The following ZNF749 variants were observed in gnomAD, a reference collection of about 807,000 sequenced individuals.
ZNF749 encodes zinc finger protein 749.
In ZNF749, 8 loss-of-function variants were observed where a neutral mutation model predicts 7.3. The observed-to-expected ratio is 1.10, with a 90% CI of 0.64 to 1.98. The LOEUF (loss-of-function observed/expected upper bound fraction) is 1.98. Ranked by LOEUF, ZNF749 falls within the 30% of genes most tolerant of loss-of-function variation. The pLI, the probability that ZNF749 is intolerant of heterozygous loss-of-function variation, is 0.00. For missense variants in ZNF749, 898 were observed against 932.4 expected (o/e 0.96, Z 0.48); for synonymous variants, 310 against 322.4 (o/e 0.96, Z 0.41).
chr19:57,443,773 C>A lies in ZNF749; in HGVS notation c.625C>A (p.His209Asn). 6.2e-7 allele frequency: 1 copy of A among 1,614,204 alleles called. No individual in the cohort carries two copies. Among genetic ancestry groups the A allele is most frequent in the Non-Finnish European group, 8.5e-7 (1 of 1,180,040 alleles). ...SQGGKDFCHQ[H>N]GLFEHQKTHN... ...AGGTGGGAAAGACTTTTGCCACCAA[C>A]ATGGGCTGTTTGAGCACCAAAAAAC... is the stretch of plus-strand genomic sequence containing the variant. Residue 209 changes from histidine (H) to asparagine (N), a missense_variant, in exon 3 of 3, where the codon CAT (histidine) becomes AAT (asparagine). His to Asn is a moderately conservative substitution (Grantham distance 68). Coordinates refer to ENST00000334181, the MANE Select transcript of ZNF749 (RefSeq NM_001023561.4).
In ZNF749 at chr19:57,443,776, G is replaced by C. The variant is rs1016161348; in HGVS notation, c.628G>C (p.Gly210Arg). ...TGGGAAAGACTTTTGCCACCAACAT[G>C]GGCTGTTTGAGCACCAAAAAACCCA... The part of the protein sequence containing the change: ...QGGKDFCHQH[G>R]LFEHQKTHNG... Residue 210 changes from glycine to arginine, a missense_variant, in exon 3 of 3, where the codon GGG (glycine) becomes CGG (arginine). By Grantham distance (125) the Gly-to-Arg change is moderately radical (BLOSUM62 -2). Coordinates refer to ENST00000334181, the MANE Select transcript of ZNF749 (RefSeq NM_001023561.4). 1.2e-6 allele frequency: 2 copies of C among 1,614,176 alleles called. No homozygotes were observed. The highest frequency in any genetic ancestry group is 1.7e-5 in the Admixed American group (1 of 60,026).
upstream of ZNF749, among the ~76,000 whole-genome samples, chr19:57,432,047 G>A (rs2088901258): frequency 6.6e-6 from 1 of 151,930 alleles, no homozygotes; most frequent in South Asian, 2.1e-4. Flanking sequence ...TGGTCAGGCT[G>A]ATCTCGAACT....
chr19:57,444,818 T>C lies in ZNF749; in HGVS notation c.1670T>C (p.Val557Ala), dbSNP rs2240040. The C allele has an allele frequency of 0.023, 37,820 of 1,613,178 alleles. 594 individuals carry two copies. Among genetic ancestry groups the C allele is most frequent in the South Asian group, 0.052 (4,705 of 91,012 alleles). ...KRIDLRPRPY[V>A]CSECGKAFLT... ...ATTGACCTCAGGCCAAGGCCTTATG[T>C]GTGTAGTGAATGTGGGAAGGCCTTC... Residue 557 changes from valine (V) to alanine (A), a missense_variant, in exon 3 of 3, where the codon GTG becomes GCG. Val to Ala is a moderately conservative substitution (Grantham distance 64). Transcript: ENST00000334181.
At chr19:57,434,188 C>T (rs2088913963), upstream of ZNF749, among the ~76,000 whole-genome samples, 2 of 152,178 alleles carry the variant, frequency 1.3e-5, no homozygotes, top group African/African-American at 4.8e-5. Context: ...ACCTCCGCCT[C>T]CCGGGTTCAA....
chr19:57,431,364 G>A (rs1174132243), upstream of ZNF749, among the ~76,000 whole-genome samples: 1 of 152,084 alleles, frequency 6.6e-6, no homozygotes, highest in East Asian at 1.9e-4. Flanking sequence ...GCCACTGAAG[G>A]CAAAAATTAT....
chr19:57,439,124 C>T lies in ZNF749; in HGVS notation c.16-2761C>T, dbSNP rs2088963501. Among the ~76,000 whole-genome samples, 1 of 152,120 alleles carries T rather than the reference C, an allele frequency of 6.6e-6. No homozygotes were observed. Among genetic ancestry groups the T allele is most frequent in the South Asian group, 2.1e-4 (1 of 4,830 alleles). On this transcript the variant is annotated intron_variant, in intron 1 of 2. Transcript: ENST00000334181. The surrounding 1 kb of genome is among the most constrained non-coding windows in gnomAD (Gnocchi z 4.3). ...CTGACCCAGGTTTTAGTGGCTCCCT[C>T]TGCCTGCAGAATGGAAGACCACGTG... is the stretch of plus-strand genomic sequence containing the variant.
chr19:57,445,406 G>A lies in ZNF749; in HGVS notation c.2258G>A (p.Cys753Tyr), dbSNP rs755742405. The change falls in exon 3 of 3, where the codon TGT (cysteine) becomes TAT (tyrosine). Residue 753 changes from cysteine (C) to tyrosine (Y), a missense_variant. Cys to Tyr is a radical substitution (Grantham distance 194). Coordinates refer to ENST00000334181, the MANE Select transcript of ZNF749 (RefSeq NM_001023561.4). Reference protein sequence around the residue: ...KTHTGERSYECGESSKVFKYN... With the variant: ...KTHTGERSYEYGESSKVFKYN... ...CACACTGGAGAAAGGTCTTATGAGT[G>A]TGGTGAATCCAGCAAAGTGTTTAAA... 6.2e-7 allele frequency: 1 copy of A among 1,613,868 alleles called. No homozygotes were observed. The highest frequency in any genetic ancestry group is 1.3e-5 in the African/African-American group (1 of 74,922).
At chr19:57,441,778 C>G in intron 1 of ZNF749, 107 bp from the exon 2 acceptor site, 2 of 1,330,200 alleles carry the variant, frequency 1.5e-6, no homozygotes, top group South Asian at 2.5e-5. Flanking sequence ...AAAACATTGG[C>G]TGTTAGTTTG....
rs764856201 is a variant in ZNF749, at chr19:57,444,629, C to T, written c.1481C>T (p.Thr494Ile). The T allele has an allele frequency of 7.8e-5, 126 of 1,612,884 alleles. No homozygotes were observed. The highest frequency in any genetic ancestry group is 1.1e-4 in the Non-Finnish European group (126 of 1,179,768). Residue 494 changes from threonine (T) to isoleucine (I), a missense_variant, in exon 3 of 3, where the codon ACA becomes ATA. Thr to Ile is a moderately conservative substitution (Grantham distance 89). Transcript: ENST00000334181. ...TCSECGKAFL[T>I]QAHLVGHQKI... ...AGTGAATGTGGGAAGGCCTTCCTTA[C>T]ACAGGCTCATCTGGTTGGTCACCAG...
upstream of ZNF749, chr19:57,435,273 G>A: frequency 5.3e-6 from 3 of 564,154 alleles, no homozygotes; most frequent in Non-Finnish European, 9.5e-6. Context: ...AGCGAGTGTA[G>A]CCATTGGTCT....
Position 57,445,611 on chromosome 19 carries a change from G to A in ZNF749, c.*126G>A, listed in dbSNP as rs1460810667. ...AAAGAGTTCAGATGGAAATCTGCGAGGATTTCCTGCTGGGAACTACATTAA... is the reference window on the plus strand; with the variant it reads ...AAAGAGTTCAGATGGAAATCTGCGAAGATTTCCTGCTGGGAACTACATTAA... On this transcript the variant is annotated 3_prime_UTR_variant, in exon 3 of 3. Transcript: ENST00000334181. 3.5e-6 allele frequency: 5 copies of A among 1,427,910 alleles called. No individual in the cohort carries two copies. Among genetic ancestry groups the A allele is most frequent in the Non-Finnish European group, 4.7e-6 (5 of 1,073,284 alleles). The allele number at this position is 1,427,910 out of a possible 1,614,324, so 88.5% of individuals were successfully genotyped here.
At chr19:57,432,490 A>T (rs1430323469), upstream of ZNF749, among the ~76,000 whole-genome samples, 1 of 136,500 alleles carries the variant, frequency 7.3e-6, no homozygotes, top group East Asian at 2.5e-4. Context: ...TGAACCTGGG[A>T]GGTGGAGGTT....
At chr19:57,432,297 G>T (rs192362485), upstream of ZNF749, among the ~76,000 whole-genome samples, 3 of 150,888 alleles carry the variant, frequency 2.0e-5, no homozygotes, top group Non-Finnish European at 4.4e-5. Flanking sequence ...AAAAGGAGGC[G>T]GGGCGCGGTG....
In ZNF749 at chr19:57,446,683, G is replaced by T. The variant is rs548977466; in HGVS notation, c.*1198G>T. Among the ~76,000 whole-genome samples the T allele has an allele frequency of 8.5e-5, 13 of 152,162 alleles. No individual in the cohort carries two copies. The highest frequency in any genetic ancestry group is 8.3e-4 in the South Asian group (4 of 4,818). ...CTGTGTTCTGAGTAATCATCTTAAG[G>T]TGATTTTGTCATTGTGTGAACAAAG... is the stretch of plus-strand genomic sequence containing the variant. On this transcript the variant is annotated 3_prime_UTR_variant, in exon 3 of 3. Coordinates refer to ENST00000334181, the MANE Select transcript of ZNF749 (RefSeq NM_001023561.4).
chr19:57,432,311 C>G (rs2088902675), upstream of ZNF749, among the ~76,000 whole-genome samples: 1 of 149,894 alleles, frequency 6.7e-6, no homozygotes, highest in South Asian at 2.1e-4. Context: ...CGCGGTGGCT[C>G]ACACCTATAA....
At chr19:57,429,191 A>T in the ZNF749 span, among the ~76,000 whole-genome samples, 1 of 151,778 alleles carries the variant, frequency 6.6e-6, no homozygotes, top group Non-Finnish European at 1.5e-5. This position sits in a 1 kb window ranked among gnomAD's most constrained non-coding sequence, Gnocchi z 4.2. Flanking sequence ...CGCCTGGCTA[A>T]TTTTTTGTAT....
chr19:57,442,019 C>T lies in ZNF749; in HGVS notation c.142+8C>T, dbSNP rs371417061. On this transcript the variant is annotated splice_region_variant and intron_variant, in intron 2 of 2. Coordinates refer to ENST00000334181, the MANE Select transcript of ZNF749 (RefSeq NM_001023561.4). The surrounding 1 kb of genome is among the most constrained non-coding windows in gnomAD (Gnocchi z 6.6). ...CGCTTTTGTCATCAGTAGGTAAGGC[C>T]TTCATACCTACTCTGGTGTCTTGTG... 1,336 of 1,613,236 alleles carry T rather than the reference C, an allele frequency of 8.3e-4. No homozygotes were observed. Among genetic ancestry groups the T allele is most frequent in the Non-Finnish European group, 9.8e-4 (1,161 of 1,179,662 alleles).
intron 1 of ZNF749, among the ~76,000 whole-genome samples, chr19:57,441,115 CAAA>C (rs35321744): frequency 2.8e-5 from 2 of 71,272 alleles, no homozygotes; most frequent in Non-Finnish European, 2.5e-5. Context: ...ACTCTTGTCT[CAAA>C]AAAAAAAAAA....
At chr19:57,429,890 C>G in the ZNF749 span, among the ~76,000 whole-genome samples, 1 of 152,168 alleles carries the variant, frequency 6.6e-6, no homozygotes, top group Non-Finnish European at 1.5e-5. This position sits in a 1 kb window ranked among gnomAD's most constrained non-coding sequence, Gnocchi z 4.2. Flanking sequence ...TTGTGTTCTT[C>G]TGTTTCTTTT....
Sources: allele counts gnomAD v4.1 joint callset (sites outside exome capture counted in the v4.1 genomes callset), GRCh38; gene constraint gnomAD v4.1.1; non-coding constraint Gnocchi (gnomAD v3.1); transcripts MANE v1.5; gene names NCBI Gene and HGNC (gene_info 2026-07-23, HGNC 2026-07-21).